Variants in NFATC3 observed in about 807,000 individuals in gnomAD.
NFATC3 encodes nuclear factor of activated T-cells, cytoplasmic 3.
Under a neutral mutation model 98.6 loss-of-function variants are expected in NFATC3, and 46 were observed. That is an observed-to-expected ratio of 0.47 (90% CI 0.37 to 0.60). NFATC3 has a LOEUF of 0.60. NFATC3 is among the 20% of genes least tolerant of loss of function. The pLI is 0.00. For missense variants in NFATC3, 1,256 were observed against 1,295.5 expected (o/e 0.97, Z 0.47); for synonymous variants, 512 against 472.2 (o/e 1.08, Z -1.09).
At chr16:68,217,112 C>A (rs934806608) in intron 9 of NFATC3, among the ~76,000 whole-genome samples, 1 of 151,866 alleles carries the variant, frequency 6.6e-6, no homozygotes, top group African/African-American at 2.4e-5. Flanking sequence ...TCAGTCCACC[C>A]CATTGTATAA....
chr16:68,094,079 A>G (rs1299981713), intron 1 of NFATC3, among the ~76,000 whole-genome samples: 1 of 152,200 alleles, frequency 6.6e-6, no homozygotes, highest in Non-Finnish European at 1.5e-5. Context: ...CTGTATCGCT[A>G]TATCGCTAAC....
At chr16:68,179,172 C>G (rs2039849395) in intron 6 of NFATC3, among the ~76,000 whole-genome samples, 1 of 152,192 alleles carries the variant, frequency 6.6e-6, no homozygotes, top group Admixed American at 6.5e-5. Context: ...AAGAGCTCTT[C>G]CAGGAAGCCT....
intron 1 of NFATC3, among the ~76,000 whole-genome samples, chr16:68,087,959 T>A (rs1282332813): frequency 6.6e-6 from 1 of 152,174 alleles, no homozygotes; most frequent in Non-Finnish European, 1.5e-5. Context: ...TATGAACACA[T>A]AGCAATTAAT....
intron 8 of NFATC3, among the ~76,000 whole-genome samples, chr16:68,186,693 A>T (rs2040217270): frequency 6.6e-6 from 1 of 152,240 alleles, no homozygotes. Context: ...TAGTTTTGTA[A>T]CTGAACACTT....
At chr16:68,224,959 G>A (rs1489099052) in intron 9 of NFATC3, 1 of 151,768 alleles carries the variant, frequency 6.6e-6, no homozygotes, top group African/African-American at 2.4e-5. Context: ...TTGATTGATT[G>A]ATTGATTTTT....
chr16:68,122,531 A>G lies in NFATC3; in HGVS notation c.648A>G (p.Pro216=), dbSNP rs1469668526. The change falls in exon 2 of 10, where the codon CCA becomes CCG. Residue 216 remains proline, a synonymous_variant. Coordinates refer to ENST00000346183, the MANE Select transcript of NFATC3 (RefSeq NM_173165.3). ...CTCTGACTTCTCCTGGTGGCTCTCC[A>G]GGGGGCTGCCCTGGAGAAGAAACTT... The part of the protein sequence containing the change: ...GSPLTSPGGS[P]GGCPGEETWH... The G allele has an allele frequency of 6.2e-7, 1 of 1,613,990 alleles. No individual in the cohort carries two copies. Among genetic ancestry groups the G allele is most frequent in the Non-Finnish European group, 8.5e-7 (1 of 1,180,002 alleles).
chr16:68,170,055 T>A (rs2039384496), intron 5 of NFATC3, among the ~76,000 whole-genome samples: 1 of 151,078 alleles, frequency 6.6e-6, no homozygotes. Flanking sequence ...CAAAAATAAA[T>A]AAAAAATAAA....
chr16:68,180,698 G>A (rs1309854701), intron 6 of NFATC3, among the ~76,000 whole-genome samples: 1 of 151,968 alleles, frequency 6.6e-6, no homozygotes, highest in African/African-American at 2.4e-5. Context: ...CCCCATTCCT[G>A]TGTCTCAAGT....
intron 3 of NFATC3, among the ~76,000 whole-genome samples, chr16:68,128,573 A>T (rs1467348053): frequency 1.3e-5 from 2 of 152,170 alleles, no homozygotes; most frequent in African/African-American, 4.8e-5. Flanking sequence ...GAAAAAACCG[A>T]TGCATGTGCT....
At chr16:68,103,130 A>G (rs951859702) in intron 1 of NFATC3, among the ~76,000 whole-genome samples, 1 of 151,508 alleles carries the variant, frequency 6.6e-6, no homozygotes, top group African/African-American at 2.4e-5. Context: ...TAAGATTTAC[A>G]GATATTTTTT....
At chr16:68,186,080 A>G (rs573315113) in intron 8 of NFATC3, among the ~76,000 whole-genome samples, 77 of 152,118 alleles carry the variant, frequency 5.1e-4, no homozygotes, top group Non-Finnish European at 9.4e-4. Flanking sequence ...ACACTAACAG[A>G]AGAATAGACA....
intron 1 of NFATC3, among the ~76,000 whole-genome samples, chr16:68,117,835 T>C (rs2036367238): frequency 6.6e-6 from 1 of 152,176 alleles, no homozygotes; most frequent in Non-Finnish European, 1.5e-5. Flanking sequence ...CTTGAACAAA[T>C]GATTTATTAT....
At chr16:68,185,862 C>CAAAAAA (rs764335192) in intron 8 of NFATC3, among the ~76,000 whole-genome samples, 1 of 49,350 alleles carries the variant, frequency 2.0e-5, no homozygotes, top group African/African-American at 6.6e-5. Flanking sequence ...GACTCCGTCT[C>CAAAAAA]AAAAAAAAAA....
intron 9 of NFATC3, among the ~76,000 whole-genome samples, chr16:68,208,959 T>G (rs574424067): frequency 1.7e-4 from 26 of 152,278 alleles, no homozygotes; most frequent in Admixed American, 7.2e-4. Context: ...CCTTTTTAAT[T>G]TGGATGGGCT....
intron 9 of NFATC3, among the ~76,000 whole-genome samples, chr16:68,204,691 A>G (rs1176864080): frequency 3.3e-5 from 5 of 152,254 alleles, no homozygotes; most frequent in Non-Finnish European, 7.3e-5. Context: ...ATAGCATTGT[A>G]ACTTTCTAAT....
chr16:68,162,749 ATTTT>A (rs879696380), intron 4 of NFATC3, among the ~76,000 whole-genome samples: 1 of 146,658 alleles, frequency 6.8e-6, no homozygotes, highest in Admixed American at 6.9e-5. Flanking sequence ...CATGTTGATC[ATTTT>A]TTTTTTTTTA....
intron 1 of NFATC3, among the ~76,000 whole-genome samples, chr16:68,113,453 G>T (rs1204301528): frequency 2.0e-5 from 3 of 152,234 alleles, no homozygotes; most frequent in Admixed American, 6.5e-5. Flanking sequence ...AGCAAAGATG[G>T]CTGCCTCCTC....
Position 68,101,478 on chromosome 16 carries a change from G to GTT in NFATC3, c.103+15704_103+15705dup, listed in dbSNP as rs534378964. Among the ~76,000 whole-genome samples, 1,117 of 138,886 alleles carry GTT rather than the reference G, an allele frequency of 8.0e-3. 15 individuals carry two copies. The highest frequency in any genetic ancestry group is 0.028 in the African/African-American group (1,049 of 37,916). The allele number at this position is 138,886 out of a possible 152,430, so 91.1% of individuals were successfully genotyped here. On this transcript the variant is annotated intron_variant, in intron 1 of 9. Transcript: ENST00000346183. ...TCTTTTGGAAGTTTTATAGTTTTAG[G>GTT]TTTTTTTTTTTGTTTTTTTTTTTGA...
chr16:68,149,119 G>C (rs1411378648), intron 3 of NFATC3, among the ~76,000 whole-genome samples: 1 of 152,130 alleles, frequency 6.6e-6, no homozygotes, highest in Non-Finnish European at 1.5e-5. Flanking sequence ...ATTCTATAGA[G>C]AGAATGAAGT....
Sources: gnomAD v4.1 joint callset for allele counts (sites outside exome capture counted in the v4.1 genomes callset) on GRCh38, gnomAD v4.1.1 for gene constraint, MANE v1.5 for transcripts, NCBI Gene and HGNC (gene_info 2026-07-23, HGNC 2026-07-21) for gene names.